The following SNRNP200 variants were observed in gnomAD, a reference collection of about 807,000 sequenced individuals.
SNRNP200 encodes small nuclear ribonucleoprotein U5 subunit 200.
A neutral mutation model predicts 255.2 loss-of-function variants in SNRNP200; 66 were observed. That is an observed-to-expected ratio of 0.26 (90% CI 0.21 to 0.32). The LOEUF (loss-of-function observed/expected upper bound fraction) is 0.32, where lower values mean the gene tolerates loss of function less well. SNRNP200 is among the 10% of genes least tolerant of loss of function. The probability of loss-of-function intolerance (pLI) is 1.00; values close to 1 mark genes in which losing one functional copy is unlikely to be tolerated. For missense variants in SNRNP200, 1,585 were observed against 2,749.8 expected (o/e 0.58, Z 9.47); for synonymous variants, 939 against 1,027.8 (o/e 0.91, Z 1.65).
chr2:96,300,530 G>C (rs1020853308), intron 5 of SNRNP200, among the ~76,000 whole-genome samples: 1 of 152,088 alleles, frequency 6.6e-6, no homozygotes, highest in Non-Finnish European at 1.5e-5. Flanking sequence ...GGAGGCCGAC[G>C]GGGGGCGGAT....
chr2:96,284,788 T>C (rs905996218), intron 30 of SNRNP200: 16 of 587,284 alleles, frequency 2.7e-5, no homozygotes, highest in African/African-American at 2.4e-4. Context: ...TCGCTCTTGT[T>C]GCCCAGGCTG....
intron 2 of SNRNP200, 140 bp from the exon 3 acceptor site, chr2:96,303,470 T>C: frequency 9.5e-7 from 1 of 1,047,564 alleles, no homozygotes; most frequent in Non-Finnish European, 1.5e-6. Flanking sequence ...CAGCAAATGA[T>C]TCCGTTTGGC....
Position 96,277,380 on chromosome 2 carries a change from C to T in SNRNP200, c.5932-139G>A, listed in dbSNP as rs2104330723. ...ACAGCTGCAGAAAGAACACAGCCCA[C>T]AGTTGGCAGGCTCTCTAGCATCTCA... On this transcript the variant is annotated intron_variant, in intron 41 of 44. Coordinates refer to ENST00000323853, the MANE Select transcript of SNRNP200 (RefSeq NM_014014.5). This position sits in a 1 kb window ranked among gnomAD's most constrained non-coding sequence, Gnocchi z 4.4. 7.9e-7 allele frequency: 1 copy of T among 1,269,648 alleles called. No homozygotes were observed. 78.6% of individuals were successfully genotyped at this position (1,269,648 alleles called of 1,614,324 possible).
In SNRNP200 at chr2:96,278,148, C is replaced by T. The variant is rs752308264; in HGVS notation, c.5610+89G>A. On this transcript the variant is annotated intron_variant, in intron 39 of 44. Coordinates refer to ENST00000323853, the MANE Select transcript of SNRNP200 (RefSeq NM_014014.5). The surrounding 1 kb of genome is among the most constrained non-coding windows in gnomAD (Gnocchi z 6.9). ...GCGGGGGTCGGGGGATGCGTATGGG[C>T]GTGTTGGTGGCAGGGATGCCATGTG... The T allele has an allele frequency of 3.3e-5, 52 of 1,597,294 alleles. No homozygotes were observed. Among genetic ancestry groups the T allele is most frequent in the Non-Finnish European group, 4.5e-5 (52 of 1,166,498 alleles).
Position 96,277,561 on chromosome 2 carries a change from T to C in SNRNP200, c.5909A>G (p.His1970Arg). The C allele has an allele frequency of 6.2e-7, 1 of 1,612,980 alleles. No homozygotes were observed. The highest frequency in any genetic ancestry group is 8.5e-7 in the Non-Finnish European group (1 of 1,180,030). The stretch of plus-strand genomic sequence containing the variant: ...CACCTTGTCTGTGCAACGTTTGATA[T>C]GCTCAGAGGTGAAGTGTGGCAGCTG... ...LKQLPHFTSEHIKRCTDKGVE... is the reference protein window; with the variant it reads ...LKQLPHFTSERIKRCTDKGVE... Residue 1970 changes from histidine (H) to arginine (R), a missense_variant, in exon 41 of 45, where the codon CAT becomes CGT. By Grantham distance (29) the His-to-Arg change is conservative. This residue lies in a region of SNRNP200 where 279 missense variants were observed against 551.2 expected (regional missense o/e 0.51). Transcript: ENST00000323853. The surrounding 1 kb of genome is among the most constrained non-coding windows in gnomAD (Gnocchi z 4.4).
chr2:96,295,340 A>G, intron 14 of SNRNP200, 148 bp downstream of exon 14: 1 of 1,447,196 alleles, frequency 6.9e-7, no homozygotes, highest in Middle Eastern at 2.4e-4. Context: ...CGTGGAGAAG[A>G]TGGATCTCAT....
In SNRNP200 at chr2:96,286,546, T is replaced by A; in HGVS notation, c.3830-62A>T. On this transcript the variant is annotated intron_variant, in intron 28 of 44. Transcript: ENST00000323853. This position sits in a 1 kb window ranked among gnomAD's most constrained non-coding sequence, Gnocchi z 4.8. The stretch of plus-strand genomic sequence containing the variant: ...TCTCTTTCCCTCACTGGCCTCTAGA[T>A]CCCCTCCATGAACACTGGAAACCTA... The A allele has an allele frequency of 6.2e-7, 1 of 1,603,726 alleles. No individual in the cohort carries two copies. Among genetic ancestry groups the A allele is most frequent in the Non-Finnish European group, 8.5e-7 (1 of 1,172,836 alleles).
rs1449050070 is a variant in SNRNP200, at chr2:96,289,354, C to T, written c.2966G>A (p.Ser989Asn). 3 of 1,614,154 alleles carry T rather than the reference C, an allele frequency of 1.9e-6. No homozygotes were observed. The highest frequency in any genetic ancestry group is 4.5e-5 in the East Asian group (2 of 44,892). Residue 989 changes from serine (S) to asparagine (N), a missense_variant, in exon 22 of 45, where the codon AGC (serine) becomes AAC (asparagine). Around this residue, in one of 9 missense-constraint regions of SNRNP200, gnomAD observed 719 missense variants for 1,091.1 expected, o/e 0.66. Transcript: ENST00000323853. ...TGTATCATTGGTGATGTAGTAGTGG[C>T]TGGCTATACGGCCCAGTTCTGTCAC... ...FQVTELGRIA[S>N]HYYITNDTVQ...
intron 3 of SNRNP200, 52 bp from the exon 4 acceptor site, chr2:96,301,768 T>C: frequency 6.3e-7 from 1 of 1,599,046 alleles, no homozygotes; most frequent in Non-Finnish European, 8.6e-7. Flanking sequence ...AGGCAAAACA[T>C]CTTCAACCAG....
chr2:96,300,292 T>C (rs866934928), intron 5 of SNRNP200, among the ~76,000 whole-genome samples: 37 of 152,374 alleles, frequency 2.4e-4, no homozygotes, highest in Middle Eastern at 6.8e-3. Flanking sequence ...ACAAACTATG[T>C]CTGTGCTCTA....
intron 15 of SNRNP200, 98 bp from the exon 16 acceptor site, chr2:96,293,193 T>C (rs2063894319): frequency 1.3e-6 from 2 of 1,580,010 alleles, no homozygotes; most frequent in African/African-American, 1.3e-5. Context: ...TCCTCCTTTA[T>C]GATTCACACC....
In SNRNP200 at chr2:96,290,049, T is replaced by C; in HGVS notation, c.2743-53A>G. 1 of 1,535,138 alleles carries C rather than the reference T, an allele frequency of 6.5e-7. No homozygotes were observed. The highest frequency in any genetic ancestry group is 2.2e-5 in the East Asian group (1 of 44,492). On this transcript the variant is annotated intron_variant, in intron 20 of 44. Transcript: ENST00000323853. This position sits in a 1 kb window ranked among gnomAD's most constrained non-coding sequence, Gnocchi z 4.5. ...CATGGAGAAACTCTTGATGTCCAAA[T>C]GACAGGCTCCCATGAATTGCTTAGA...
Position 96,287,531 on chromosome 2 carries a change from T to C in SNRNP200, c.3392A>G (p.Gln1131Arg), listed in dbSNP as rs1369813925. The C allele has an allele frequency of 1.9e-6, 3 of 1,614,084 alleles. No individual in the cohort carries two copies. Among genetic ancestry groups the C allele is most frequent in the South Asian group, 2.2e-5 (2 of 91,082 alleles). The change falls in exon 26 of 45, where the codon CAG (glutamine) becomes CGG (arginine). Residue 1131 changes from glutamine to arginine, a missense_variant. Gln to Arg is a conservative substitution (Grantham distance 43). Coordinates refer to ENST00000323853, the MANE Select transcript of SNRNP200 (RefSeq NM_014014.5). The surrounding 1 kb of genome is among the most constrained non-coding windows in gnomAD (Gnocchi z 5.7). Reference protein sequence around the residue: ...RMWQSMCPLRQFRKLPEEVVK... With the variant: ...RMWQSMCPLRRFRKLPEEVVK... ...TACTTCCTCAGGGAGTTTCCGGAAC[T>C]GGCGCAGAGGACACATGGACTGCCA...
chr2:96,276,483 G>A, intron 43 of SNRNP200: 1 of 245,280 alleles, frequency 4.1e-6, no homozygotes, highest in Non-Finnish European at 8.3e-6. Flanking sequence ...GTGCAGTGGG[G>A]CAATCTCGGC....
chr2:96,293,105 C>T lies in SNRNP200; in HGVS notation c.2037-10G>A. ...AGGCACTGGACGGAAGCTAGAAGTT[C>T]AACAGTTAGACAAATGAGGCTTTGG... On this transcript the variant is annotated splice_polypyrimidine_tract_variant and intron_variant, in intron 15 of 44. Transcript: ENST00000323853. The T allele has an allele frequency of 6.2e-7, 1 of 1,614,098 alleles. No individual in the cohort carries two copies. The highest frequency in any genetic ancestry group is 8.5e-7 in the Non-Finnish European group (1 of 1,180,000).
At chr2:96,292,146 A>G (rs1334621748) in intron 16 of SNRNP200, among the ~76,000 whole-genome samples, 3 of 152,246 alleles carry the variant, frequency 2.0e-5, no homozygotes, top group African/African-American at 7.2e-5. Flanking sequence ...TATCTTGAAC[A>G]GCAACTTTAA....
In SNRNP200 at chr2:96,287,272, G is replaced by A. The variant is rs1414164389; in HGVS notation, c.3485-112C>T. On this transcript the variant is annotated intron_variant, in intron 26 of 44. Coordinates refer to ENST00000323853, the MANE Select transcript of SNRNP200 (RefSeq NM_014014.5). This position sits in a 1 kb window ranked among gnomAD's most constrained non-coding sequence, Gnocchi z 5.7. ...TAGGGTCTTCCCTTTATGGTCAGTG[G>A]AGCCCAGGATTCCAAGTCCCCAGAC... 5 of 1,419,736 alleles carry A rather than the reference G, an allele frequency of 3.5e-6. No individual in the cohort carries two copies. The highest frequency in any genetic ancestry group is 1.4e-5 in the African/African-American group (1 of 70,960). The allele number at this position is 1,419,736 out of a possible 1,614,324, so 87.9% of individuals were successfully genotyped here.
rs776283133 is a variant in SNRNP200, at chr2:96,278,987, C to G, written c.5145G>C (p.Lys1715Asn). Reference protein sequence around the residue: ...MCQGSKKDFFKKFLYEPLPVE... With the variant: ...MCQGSKKDFFNKFLYEPLPVE... ...CTGGCAATGGCTCATATAAGAACTT[C>G]TTGAAGAAATCCTGTGGGTTGGAGA... The change falls in exon 37 of 45, where the codon AAG becomes AAC. Residue 1715 changes from lysine (K) to asparagine (N), a missense_variant. This residue lies in a region of SNRNP200 where 279 missense variants were observed against 551.2 expected (regional missense o/e 0.51). Coordinates refer to ENST00000323853, the MANE Select transcript of SNRNP200 (RefSeq NM_014014.5). This position sits in a 1 kb window ranked among gnomAD's most constrained non-coding sequence, Gnocchi z 6.9. 13 of 1,613,676 alleles carry G rather than the reference C, an allele frequency of 8.1e-6. No individual in the cohort carries two copies. Among genetic ancestry groups the G allele is most frequent in the Non-Finnish European group, 1.0e-5 (12 of 1,179,738 alleles).
Position 96,277,725 on chromosome 2 carries a change from A to G in SNRNP200, c.5755-10T>C. The G allele has an allele frequency of 1.2e-6, 2 of 1,614,100 alleles. No homozygotes were observed. Among genetic ancestry groups the G allele is most frequent in the Non-Finnish European group, 8.5e-7 (1 of 1,180,010 alleles). ...GGATGAGCCGGATTGCCTGAACAGG[A>G]AAAGGAGTATAAAAGTGGGCGGAGT... On this transcript the variant is annotated splice_polypyrimidine_tract_variant and intron_variant, in intron 40 of 44. Coordinates refer to ENST00000323853, the MANE Select transcript of SNRNP200 (RefSeq NM_014014.5). This position sits in a 1 kb window ranked among gnomAD's most constrained non-coding sequence, Gnocchi z 4.4.
Sources: gnomAD v4.1 joint callset for allele counts (sites outside exome capture counted in the v4.1 genomes callset) on GRCh38, gnomAD v4.1.1 for gene constraint, gnomAD v4.1.1 regional missense constraint, Gnocchi (gnomAD v3.1) non-coding constraint, MANE v1.5 for transcripts, NCBI Gene and HGNC (gene_info 2026-07-23, HGNC 2026-07-21) for gene names.